The following EFR3A variants were observed in gnomAD, a reference collection of about 807,000 sequenced individuals.
EFR3A encodes the protein protein EFR3 homolog A.
A neutral mutation model predicts 104.4 loss-of-function variants in EFR3A; 76 were observed. The ratio of observed to expected loss-of-function variants is 0.73; its 90% CI spans 0.60 to 0.88. The LOEUF is 0.88. Ranked by LOEUF, EFR3A falls within the 40% of genes least tolerant of loss-of-function variation. The pLI, the probability that EFR3A is intolerant of heterozygous loss-of-function variation, is 0.00. For missense variants in EFR3A, 985 were observed against 1,012.5 expected (o/e 0.97, Z 0.37); for synonymous variants, 330 against 330.0 (o/e 1.00, Z 0.00).
intron 1 of EFR3A, 87 bp downstream of exon 1, chr8:131,904,409 G>A: frequency 8.4e-7 from 1 of 1,192,292 alleles, no homozygotes; most frequent in Non-Finnish European, 1.1e-6. Context: ...GGGCGGCTGG[G>A]GAGGCTGGGC....
At chr8:131,948,459 C>T (rs1818544217) in intron 4 of EFR3A, among the ~76,000 whole-genome samples, 1 of 152,118 alleles carries the variant, frequency 6.6e-6, no homozygotes, top group Non-Finnish European at 1.5e-5. Context: ...ATTCAAAACT[C>T]TTAATATGAT....
chr8:132,011,200 G>A lies in EFR3A; in HGVS notation c.*305G>A, dbSNP rs572607609. 9 of 1,030,172 alleles carry A rather than the reference G, an allele frequency of 8.7e-6. No individual in the cohort carries two copies. In the Admixed American group the frequency reaches 4.2e-4, roughly 48 times the overall value. The allele number at this position is 1,030,172 out of a possible 1,614,324, so 63.8% of individuals were successfully genotyped here. ...AGTATGTTTTAAACTTTTCACAAAT[G>A]TAATGTTTTTTAAAAAGTAAGCCTT... On this transcript the variant is annotated 3_prime_UTR_variant, in exon 23 of 23. Coordinates refer to ENST00000254624, the MANE Select transcript of EFR3A (RefSeq NM_015137.6).
At chr8:131,961,636 C>T (rs1043041442) in intron 8 of EFR3A, among the ~76,000 whole-genome samples, 1 of 152,044 alleles carries the variant, frequency 6.6e-6, no homozygotes, top group African/African-American at 2.4e-5. Flanking sequence ...GAAAACACTG[C>T]AGGATATTAT....
intron 18 of EFR3A, among the ~76,000 whole-genome samples, chr8:131,991,604 T>A (rs192042239): frequency 4.9e-4 from 74 of 152,194 alleles, no homozygotes; most frequent in Admixed American, 7.9e-4. Flanking sequence ...ATGAAAATTT[T>A]AAAAACAGCA....
chr8:131,906,074 T>A (rs1293348393), intron 1 of EFR3A, among the ~76,000 whole-genome samples: 1 of 152,234 alleles, frequency 6.6e-6, no homozygotes, highest in Non-Finnish European at 1.5e-5. Context: ...TTTGTCATGG[T>A]ACATTTTTTA....
intron 4 of EFR3A, among the ~76,000 whole-genome samples, 151 bp downstream of exon 4, chr8:131,946,784 C>T (rs1304865298): frequency 6.6e-6 from 1 of 151,996 alleles, no homozygotes; most frequent in Non-Finnish European, 1.5e-5. Context: ...AATACTTTGC[C>T]TCTCAGTTTT....
At chr8:131,968,569 G>T in intron 9 of EFR3A, 139 bp downstream of exon 9, 3 of 856,304 alleles carry the variant, frequency 3.5e-6, no homozygotes, top group Non-Finnish European at 5.1e-6. Context: ...TTTGAAATTT[G>T]GGTTCATGCA....
chr8:131,930,092 G>T lies in EFR3A; in HGVS notation c.11-10407G>T, dbSNP rs557649591. 1.2e-4 allele frequency among the ~76,000 whole-genome samples: 18 copies of T among 152,202 alleles called. 1 individual carries two copies. The South Asian group carries it at 3.7e-3, about 32-fold the overall frequency. On this transcript the variant is annotated intron_variant, in intron 1 of 22. Transcript: ENST00000254624. ...TAAAGATACACACTTCCAGACCCAG[G>T]TATGCTTATAAGCAGGAAGAATGAA...
At chr8:131,990,815 T>G (rs1821142295) in intron 18 of EFR3A, among the ~76,000 whole-genome samples, 1 of 152,026 alleles carries the variant, frequency 6.6e-6, no homozygotes, top group African/African-American at 2.4e-5. Flanking sequence ...TTATAGGCAT[T>G]TGATTGGTAT....
intron 17 of EFR3A, among the ~76,000 whole-genome samples, chr8:131,987,033 T>C (rs1336963747): frequency 2.0e-5 from 3 of 152,100 alleles, no homozygotes; most frequent in African/African-American, 7.2e-5. Context: ...TAAAGAAAAG[T>C]ATATATATGA....
chr8:131,906,139 A>G (rs1245862173), intron 1 of EFR3A, among the ~76,000 whole-genome samples: 2 of 152,220 alleles, frequency 1.3e-5, no homozygotes, highest in East Asian at 1.9e-4. Context: ...TGAGGTGAAT[A>G]GTGTTCATAT....
At chr8:131,947,228 T>C (rs577725294) in intron 4 of EFR3A, among the ~76,000 whole-genome samples, 1 of 152,142 alleles carries the variant, frequency 6.6e-6, no homozygotes, top group East Asian at 1.9e-4. Flanking sequence ...GCGTCTGAAG[T>C]GGTATCTCAT....
At position 132,003,219 on chromosome 8, in the gene EFR3A, T is replaced by A; in HGVS notation, c.2311-17T>A. 1 of 1,608,076 alleles carries A rather than the reference T, an allele frequency of 6.2e-7. No homozygotes were observed. Among genetic ancestry groups the A allele is most frequent in the Non-Finnish European group, 8.5e-7 (1 of 1,175,374 alleles). Reference sequence around the variant, plus strand: ...CTAGAAAATAAACCATTCTTAACATTTTTTTCTTTTTTGCAGGCAAATTTG... The same window carrying A: ...CTAGAAAATAAACCATTCTTAACATATTTTTCTTTTTTGCAGGCAAATTTG... On this transcript the variant is annotated splice_polypyrimidine_tract_variant and intron_variant, in intron 21 of 22. Coordinates refer to ENST00000254624, the MANE Select transcript of EFR3A (RefSeq NM_015137.6).
intron 22 of EFR3A, among the ~76,000 whole-genome samples, chr8:132,008,018 G>A (rs1162403486): frequency 6.6e-6 from 1 of 151,948 alleles, no homozygotes; most frequent in Non-Finnish European, 1.5e-5. Flanking sequence ...ATAGGAAAGA[G>A]TCCTCTCAGT....
intron 1 of EFR3A, among the ~76,000 whole-genome samples, chr8:131,939,649 A>G (rs966983272): frequency 2.0e-5 from 3 of 152,050 alleles, no homozygotes; most frequent in Admixed American, 1.3e-4. Flanking sequence ...TGAATTTACT[A>G]TATTTGGCTT....
At chr8:131,995,197 C>T (rs1378306541) in intron 18 of EFR3A, among the ~76,000 whole-genome samples, 1 of 152,112 alleles carries the variant, frequency 6.6e-6, no homozygotes, top group Non-Finnish European at 1.5e-5. Context: ...CTCCATGCTG[C>T]AGACTGAGAC....
chr8:131,982,824 T>A (rs1218493753), intron 14 of EFR3A, among the ~76,000 whole-genome samples: 2 of 152,020 alleles, frequency 1.3e-5, no homozygotes, highest in Non-Finnish European at 2.9e-5. Context: ...TATAGAAACC[T>A]TATGTGTTTG....
chr8:131,916,245 A>G (rs1816740406), intron 1 of EFR3A, among the ~76,000 whole-genome samples: 1 of 152,248 alleles, frequency 6.6e-6, no homozygotes, highest in Non-Finnish European at 1.5e-5. Context: ...ATTAAAATAC[A>G]GTAGTCTAAT....
intron 22 of EFR3A, among the ~76,000 whole-genome samples, chr8:132,004,885 C>T (rs1320711052): frequency 2.0e-5 from 3 of 152,104 alleles, no homozygotes; most frequent in Non-Finnish European, 2.9e-5. Context: ...AGGAATGTTG[C>T]TAGAGATCAC....
Sources: gnomAD v4.1 joint callset for allele counts (sites outside exome capture counted in the v4.1 genomes callset) on GRCh38, gnomAD v4.1.1 for gene constraint, MANE v1.5 for transcripts, NCBI Gene and HGNC (gene_info 2026-07-23, HGNC 2026-07-21) for gene names.